Variants in CCDC141 observed in about 807,000 individuals in gnomAD.
CCDC141 encodes the protein coiled-coil domain containing 141.
A neutral mutation model predicts 181.0 loss-of-function variants in CCDC141; 168 were observed. That is an observed-to-expected ratio of 0.93 (90% CI 0.82 to 1.05). The LOEUF (loss-of-function observed/expected upper bound fraction) is 1.05. CCDC141 is among the 50% of genes least tolerant of loss of function. CCDC141 has a pLI of 0.00. For synonymous variants in CCDC141, 666 were observed against 642.3 expected (o/e 1.04, Z -0.56); for missense variants, 1,902 against 1,788.5 (o/e 1.06, Z -1.14).
chr2:178,838,495 G>T (rs1232064220), intron 22 of CCDC141, among the ~76,000 whole-genome samples: 2 of 152,134 alleles, frequency 1.3e-5, no homozygotes, highest in African/African-American at 4.8e-5. Context: ...TATAGAGAAA[G>T]CAATTCTTCA....
At chr2:179,019,446 A>G (rs2042633871) in intron 2 of CCDC141, among the ~76,000 whole-genome samples, 1 of 152,158 alleles carries the variant, frequency 6.6e-6, no homozygotes, top group African/African-American at 2.4e-5. Context: ...TGATTGCTCA[A>G]TACTTACTGC....
intron 12 of CCDC141, 91 bp from the exon 13 acceptor site, chr2:178,872,403 A>G: frequency 1.7e-6 from 2 of 1,191,444 alleles, no homozygotes; most frequent in South Asian, 1.6e-5. Context: ...CAAATTCTTT[A>G]TCACAACCAA....
intron 17 of CCDC141, among the ~76,000 whole-genome samples, chr2:178,859,494 C>G (rs1411690422): frequency 1.3e-5 from 2 of 151,928 alleles, no homozygotes; most frequent in Non-Finnish European, 2.9e-5. Flanking sequence ...AAGTTGAGCA[C>G]ATAAGTGGAG....
chr2:178,905,304 T>C (rs1687912245), intron 8 of CCDC141, 25 bp downstream of exon 8: 2 of 1,527,260 alleles, frequency 1.3e-6, no homozygotes, highest in Non-Finnish European at 1.8e-6. Context: ...CTTGTTACAC[T>C]GAGAAAGAAA....
At chr2:179,046,892 G>A (rs555764228) in intron 2 of CCDC141, among the ~76,000 whole-genome samples, 2 of 152,202 alleles carry the variant, frequency 1.3e-5, no homozygotes, top group Non-Finnish European at 2.9e-5. Flanking sequence ...AGTCCAACGG[G>A]GGAAAAGTCT....
intron 8 of CCDC141, 88 bp from the exon 9 acceptor site, chr2:178,888,756 G>C (rs1687007992): frequency 7.0e-7 from 1 of 1,431,782 alleles, no homozygotes; most frequent in African/African-American, 1.4e-5. Flanking sequence ...ATGTTAGGTA[G>C]GCGTTGGTAA....
chr2:179,012,219 A>G lies in CCDC141; in HGVS notation c.226-33544T>C, dbSNP rs574991733. ...TTGAAAAGGTAAATAAAATTGATCG[A>G]CCTTTAGCAAGATTAACCAAGAAAA... On this transcript the variant is annotated intron_variant, in intron 2 of 23. Transcript: ENST00000443758. Among the ~76,000 whole-genome samples the G allele has an allele frequency of 2.6e-5, 4 of 152,260 alleles. No homozygotes were observed. In the East Asian group the frequency reaches 7.7e-4, roughly 29 times the overall value.
chr2:178,918,607 T>A (rs1688553694), intron 7 of CCDC141, 106 bp downstream of exon 7: 15 of 861,862 alleles, frequency 1.7e-5, no homozygotes, highest in Non-Finnish European at 2.2e-5. Flanking sequence ...TTTTGAAATT[T>A]TACATGGCGT....
chr2:179,000,318 T>C (rs577324643), intron 2 of CCDC141, among the ~76,000 whole-genome samples: 5 of 152,292 alleles, frequency 3.3e-5, no homozygotes, highest in Non-Finnish European at 5.9e-5. Context: ...AACACAACTA[T>C]GTCTACTGGT....
chr2:178,875,906 G>T (rs1442195844), intron 12 of CCDC141: 1 of 152,108 alleles, frequency 6.6e-6, no homozygotes, highest in Non-Finnish European at 1.5e-5. Context: ...GTGAGAGAGA[G>T]ACAGAGATAG....
chr2:178,890,232 G>A (rs997409401), intron 8 of CCDC141, among the ~76,000 whole-genome samples: 5 of 152,132 alleles, frequency 3.3e-5, no homozygotes, highest in African/African-American at 4.8e-5. Context: ...ATTTGGAAAT[G>A]ATTAATACAA....
chr2:178,981,585 C>A (rs1484690518), intron 2 of CCDC141, among the ~76,000 whole-genome samples: 1 of 140,564 alleles, frequency 7.1e-6, no homozygotes, highest in Non-Finnish European at 1.5e-5. Flanking sequence ...TTTTAAGATG[C>A]CACAACAGCA....
intron 2 of CCDC141, among the ~76,000 whole-genome samples, chr2:179,025,388 T>C (rs1194275518): frequency 1.3e-5 from 2 of 152,080 alleles, no homozygotes; most frequent in Non-Finnish European, 2.9e-5. Context: ...CCTGTGCTGT[T>C]CTCATATAGT....
chr2:178,885,064 G>T lies in CCDC141; in HGVS notation c.1556C>A (p.Ala519Glu). ...TTCATTTTTCTCCATCATGGTTTTT[G>T]CAGCTGCTTCTAATTCATGTGATGT... ...KETSHELEAA[A>E]KTMMEKNEFV... Residue 519 changes from alanine (A) to glutamate (E), a missense_variant, in exon 11 of 24, where the codon GCA becomes GAA. Ala to Glu is a moderately radical substitution (Grantham distance 107, BLOSUM62 -1). Transcript: ENST00000443758. The T allele has an allele frequency of 6.5e-7, 1 of 1,549,902 alleles. No individual in the cohort carries two copies. Among genetic ancestry groups the T allele is most frequent in the Non-Finnish European group, 8.7e-7 (1 of 1,146,574 alleles).
In CCDC141 at chr2:178,868,166, C is replaced by T; in HGVS notation, c.2434G>A (p.Glu812Lys). The T allele has an allele frequency of 6.2e-7, 1 of 1,613,916 alleles. No individual in the cohort carries two copies. The part of the protein sequence containing the change: ...LIKSRELEFV[E>K]QPKELGDAHD... Reference sequence around the variant, plus strand: ...GCATCACCCAGTTCCTTCGGCTGCTCTACAAACTCCAGCTCTCTTGATTTG... The same window carrying T: ...GCATCACCCAGTTCCTTCGGCTGCTTTACAAACTCCAGCTCTCTTGATTTG... The change falls in exon 16 of 24, where the codon GAG becomes AAG. Residue 812 changes from glutamate to lysine, a missense_variant. Glu to Lys is a moderately conservative substitution (Grantham distance 56). Transcript: ENST00000443758.
the CCDC141 span, among the ~76,000 whole-genome samples, chr2:178,823,939 G>A: frequency 6.6e-6 from 1 of 151,874 alleles, no homozygotes; most frequent in South Asian, 2.1e-4. Flanking sequence ...TCAAATCTAG[G>A]CCATAAGTTG....
At chr2:178,950,547 T>C (rs1162907866) in intron 5 of CCDC141, among the ~76,000 whole-genome samples, 1 of 152,226 alleles carries the variant, frequency 6.6e-6, no homozygotes, top group Non-Finnish European at 1.5e-5. Flanking sequence ...AAAAAACAAT[T>C]ACTGCCAAAA....
intron 5 of CCDC141, among the ~76,000 whole-genome samples, chr2:178,958,097 G>A (rs1690235316): frequency 6.6e-6 from 1 of 152,198 alleles, no homozygotes. Flanking sequence ...AAAACTATGG[G>A]AACAGTAAAG....
At chr2:179,023,582 G>A (rs1381991878) in intron 2 of CCDC141, among the ~76,000 whole-genome samples, 2 of 152,176 alleles carry the variant, frequency 1.3e-5, no homozygotes, top group East Asian at 1.9e-4. Context: ...ACTGTGTTAT[G>A]TTTATACATA....
Sources: allele counts gnomAD v4.1 joint callset (sites outside exome capture counted in the v4.1 genomes callset), GRCh38; gene constraint gnomAD v4.1.1; transcripts MANE v1.5; gene names NCBI Gene and HGNC (gene_info 2026-07-23, HGNC 2026-07-21).